CYFIP2: variants seen among roughly 807,000 people sequenced by gnomAD.
CYFIP2 encodes the protein cytoplasmic FMR1 interacting protein 2.
In CYFIP2, 29 loss-of-function variants were observed where a neutral mutation model predicts 158.7. That is an observed-to-expected ratio of 0.18 (90% CI 0.14 to 0.25). CYFIP2 has a LOEUF of 0.25. CYFIP2 is among the 10% of genes least tolerant of loss of function. The pLI, the probability that CYFIP2 is intolerant of heterozygous loss-of-function variation, is 1.00. For synonymous variants in CYFIP2, 585 were observed against 617.6 expected (o/e 0.95, Z 0.78); for missense variants, 852 against 1,639.5 (o/e 0.52, Z 8.29).
At chr5:157,363,273 G>A (rs1037888343) in intron 26 of CYFIP2, 1 of 152,278 alleles carries the variant, frequency 6.6e-6, no homozygotes, top group East Asian at 1.9e-4. Context: ...TCAGAACCTA[G>A]TGGGAATCTC....
intron 11 of CYFIP2, among the ~76,000 whole-genome samples, chr5:157,312,738 T>C (rs945386404): frequency 6.6e-6 from 1 of 152,260 alleles, no homozygotes; most frequent in African/African-American, 2.4e-5. Flanking sequence ...CCATGACTTG[T>C]GGTCATTAGA....
chr5:157,368,780 C>T (rs954613018), intron 26 of CYFIP2, among the ~76,000 whole-genome samples: 2 of 152,132 alleles, frequency 1.3e-5, no homozygotes, highest in African/African-American at 4.8e-5. Context: ...TGAGAGACTC[C>T]AGGGCATATC....
chr5:157,301,529 G>A (rs1255461290), intron 6 of CYFIP2, among the ~76,000 whole-genome samples: 1 of 152,196 alleles, frequency 6.6e-6, no homozygotes, highest in Non-Finnish European at 1.5e-5. Context: ...TGATCAGCTT[G>A]AGTCATATGC....
intron 11 of CYFIP2, among the ~76,000 whole-genome samples, chr5:157,314,041 C>G (rs144649686): frequency 6.6e-6 from 1 of 152,240 alleles, no homozygotes; most frequent in East Asian, 1.9e-4. Context: ...CTGGACAACA[C>G]AGTGAGACCC....
chr5:157,339,341 G>A (rs1762081633), intron 22 of CYFIP2, 85 bp downstream of exon 22: 21 of 1,250,178 alleles, frequency 1.7e-5, no homozygotes, highest in Non-Finnish European at 2.3e-5. Flanking sequence ...CAGTACATGT[G>A]TGAGTGGTTC....
chr5:157,283,322 G>A (rs1757135694), intron 1 of CYFIP2, among the ~76,000 whole-genome samples: 1 of 152,148 alleles, frequency 6.6e-6, no homozygotes, highest in South Asian at 2.1e-4. Context: ...ATTATAATTG[G>A]AATTAATGAA....
chr5:157,330,000 G>A (rs1039363521), intron 19 of CYFIP2, among the ~76,000 whole-genome samples: 1 of 152,132 alleles, frequency 6.6e-6, no homozygotes, highest in Non-Finnish European at 1.5e-5. Flanking sequence ...ATCCACACTG[G>A]CCATCTTTCC....
At chr5:157,351,983 T>C (rs1763103562) in intron 23 of CYFIP2, among the ~76,000 whole-genome samples, 1 of 152,194 alleles carries the variant, frequency 6.6e-6, no homozygotes, top group Non-Finnish European at 1.5e-5. Context: ...GTGCAAGAGC[T>C]CTGTCACTTA....
Position 157,304,243 on chromosome 5 carries a change from C to T in CYFIP2, c.672C>T (p.Leu224=). ...LANHNRITQC[L]HQQLEVIPGY... ...AGGGTGGCGCTGCTGTTCAGTGTCTCCACCAGCAACTTGAAGTGATCCCAG... is the reference window on the plus strand; with the variant it reads ...AGGGTGGCGCTGCTGTTCAGTGTCTTCACCAGCAACTTGAAGTGATCCCAG... The change falls in exon 8 of 31, where the codon CTC becomes CTT. Residue 224 remains leucine, a synonymous_variant. Coordinates refer to ENST00000620254, the MANE Select transcript of CYFIP2 (RefSeq NM_001037333.3). 1 of 1,612,506 alleles carries T rather than the reference C, an allele frequency of 6.2e-7. No individual in the cohort carries two copies. Among genetic ancestry groups the T allele is most frequent in the Non-Finnish European group, 8.5e-7 (1 of 1,179,678 alleles).
intron 23 of CYFIP2, among the ~76,000 whole-genome samples, chr5:157,354,568 G>T (rs1368412655): frequency 5.9e-5 from 9 of 151,932 alleles, no homozygotes; most frequent in Non-Finnish European, 1.2e-4. Flanking sequence ...TATATTTGGG[G>T]GAATGAGGGG....
At chr5:157,328,665 C>G (rs913665673) in intron 19 of CYFIP2, among the ~76,000 whole-genome samples, 1 of 152,224 alleles carries the variant, frequency 6.6e-6, no homozygotes, top group Non-Finnish European at 1.5e-5. Context: ...AGCTGTTTCT[C>G]CCGGGAGTGG....
chr5:157,383,191 T>C (rs1766303293), intron 27 of CYFIP2, 74 bp from the exon 28 acceptor site: 1 of 1,309,682 alleles, frequency 7.6e-7, no homozygotes, highest in Non-Finnish European at 1.1e-6. Context: ...CATCAGGTCC[T>C]TTGGGAGTTT....
At position 157,325,552 on chromosome 5, in the gene CYFIP2, C is replaced by A; in HGVS notation, c.1896C>A (p.Gly632=). The change falls in exon 17 of 31, where the codon GGC becomes GGA. Residue 632 remains glycine, a synonymous_variant. Coordinates refer to ENST00000620254, the MANE Select transcript of CYFIP2 (RefSeq NM_001037333.3). The stretch of plus-strand genomic sequence containing the variant: ...AATTCTTCCTGGAGTTAACCATGGG[C>A]CGACGAATCCAGTTCCCCATCGAGA... ...FREFFLELTM[G]RRIQFPIEMS... 2 of 1,613,368 alleles carry A rather than the reference C, an allele frequency of 1.2e-6. No homozygotes were observed. Among genetic ancestry groups the A allele is most frequent in the South Asian group, 2.2e-5 (2 of 90,836 alleles).
At chr5:157,383,420 C>A in intron 28 of CYFIP2, 61 bp downstream of exon 28, 1 of 1,452,216 alleles carries the variant, frequency 6.9e-7, no homozygotes, top group Non-Finnish European at 9.6e-7. Flanking sequence ...AGCATTTGAC[C>A]AAACCCCCTC....
intron 13 of CYFIP2, among the ~76,000 whole-genome samples, chr5:157,316,140 A>G (rs1760125328): frequency 2.6e-5 from 4 of 152,192 alleles, no homozygotes; most frequent in Admixed American, 2.6e-4. Context: ...ATGGAAGGCT[A>G]TGCTCAGCAT....
chr5:157,342,984 G>T, intron 23 of CYFIP2: 1 of 1,614,238 alleles, frequency 6.2e-7, no homozygotes, highest in Non-Finnish European at 8.5e-7. Context: ...GAGTTCTTGC[G>T]TGGCATTTCC....
intron 3 of CYFIP2, among the ~76,000 whole-genome samples, chr5:157,289,494 G>C (rs1757657521): frequency 6.6e-6 from 1 of 152,230 alleles, no homozygotes; most frequent in African/African-American, 2.4e-5. Flanking sequence ...CAAGGTGTCT[G>C]TAGGTTCGGT....
chr5:157,344,554 A>G (rs977943917), intron 23 of CYFIP2, among the ~76,000 whole-genome samples: 4 of 152,218 alleles, frequency 2.6e-5, no homozygotes, highest in African/African-American at 4.8e-5. Flanking sequence ...AGCCCTCTTT[A>G]GATTGCCAGG....
At chr5:157,322,897 C>G in intron 15 of CYFIP2, 1 of 1,482,344 alleles carries the variant, frequency 6.7e-7, no homozygotes, top group Non-Finnish European at 9.1e-7. Context: ...CCCTGTCTCT[C>G]CTGCCCTCCC....
Sources: gnomAD v4.1 joint callset for allele counts (sites outside exome capture counted in the v4.1 genomes callset) on GRCh38, gnomAD v4.1.1 for gene constraint, MANE v1.5 for transcripts, NCBI Gene and HGNC (gene_info 2026-07-23, HGNC 2026-07-21) for gene names.